The following NEDD4L variants were observed in gnomAD, a reference collection of about 807,000 sequenced individuals.
The protein encoded by NEDD4L is NEDD4 like E3 ubiquitin protein ligase, also known as E3 ubiquitin-protein ligase NEDD4-like.
In NEDD4L, 54 loss-of-function variants were observed where a neutral mutation model predicts 148.9. That is an observed-to-expected ratio of 0.36 (90% CI 0.29 to 0.45). The LOEUF (loss-of-function observed/expected upper bound fraction) is 0.45. Ranked by LOEUF, NEDD4L falls within the 20% of genes least tolerant of loss-of-function variation. The pLI, the probability that NEDD4L is intolerant of heterozygous loss-of-function variation, is 1.00. For synonymous variants in NEDD4L, 433 were observed against 440.7 expected (o/e 0.98, Z 0.22); for missense variants, 856 against 1,233.8 (o/e 0.69, Z 4.59).
At chr18:58,114,818 C>T (rs1289296450) in intron 1 of NEDD4L, among the ~76,000 whole-genome samples, 1 of 152,224 alleles carries the variant, frequency 6.6e-6, no homozygotes, top group African/African-American at 2.4e-5. Flanking sequence ...ATTGTCCCCT[C>T]CCTGCGTTTG....
chr18:58,294,292 G>A (rs554054768), intron 5 of NEDD4L, among the ~76,000 whole-genome samples: 8 of 152,282 alleles, frequency 5.3e-5, no homozygotes, highest in African/African-American at 1.9e-4. Flanking sequence ...TTCTTATCAA[G>A]GCTATTGAAT....
chr18:58,165,891 A>T (rs751921446), intron 2 of NEDD4L, 30 bp downstream of exon 2: 18 of 1,552,716 alleles, frequency 1.2e-5, no homozygotes, highest in East Asian at 6.8e-5. Context: ...ATTTCTGTGG[A>T]CTTCTGAAAA....
At chr18:58,277,160 G>A (rs1032131292) in intron 5 of NEDD4L, among the ~76,000 whole-genome samples, 1 of 151,988 alleles carries the variant, frequency 6.6e-6, no homozygotes, top group African/African-American at 2.4e-5. Context: ...TGTGTATCTT[G>A]GCTTCTCTGA....
chr18:58,149,292 A>T, intron 1 of NEDD4L: 1 of 1,008,330 alleles, frequency 9.9e-7, no homozygotes. Flanking sequence ...TGGCAGGTTC[A>T]TAAGACACCT....
At chr18:58,380,874 T>C (rs886748894) in intron 24 of NEDD4L, among the ~76,000 whole-genome samples, 14 of 152,212 alleles carry the variant, frequency 9.2e-5, no homozygotes, top group African/African-American at 3.4e-4. Flanking sequence ...CAAATTAATA[T>C]ATCACACATA....
intron 6 of NEDD4L, 44 bp downstream of exon 6, chr18:58,316,076 G>T: frequency 6.8e-7 from 1 of 1,475,496 alleles, no homozygotes; most frequent in African/African-American, 1.4e-5. Flanking sequence ...GGGGGCGGGG[G>T]TTTCTAATTG....
chr18:58,078,805 G>T (rs2083296146), intron 1 of NEDD4L, among the ~76,000 whole-genome samples: 1 of 152,116 alleles, frequency 6.6e-6, no homozygotes, highest in Non-Finnish European at 1.5e-5. Context: ...ACGTGGTATT[G>T]GTCAGTCCGT....
intron 12 of NEDD4L, 63 bp downstream of exon 12, chr18:58,333,955 G>A: frequency 9.4e-7 from 1 of 1,067,782 alleles, no homozygotes; most frequent in Non-Finnish European, 1.4e-6. Context: ...AATCATCTGG[G>A]CTGCTGCAAA....
chr18:58,109,311 GT>G (rs2085269022), intron 1 of NEDD4L, among the ~76,000 whole-genome samples: 1 of 152,210 alleles, frequency 6.6e-6, no homozygotes, highest in African/African-American at 2.4e-5. Context: ...GAGTTTCACA[GT>G]TTCTGAATTT....
chr18:58,303,895 TAAAG>T (rs2056777607), intron 5 of NEDD4L, among the ~76,000 whole-genome samples: 1 of 152,180 alleles, frequency 6.6e-6, no homozygotes, highest in African/African-American at 2.4e-5. Context: ...AGATAGGAGT[TAAAG>T]AAAAATGAAC....
At chr18:58,159,020 A>T (rs1384211043) in intron 1 of NEDD4L, among the ~76,000 whole-genome samples, 1 of 152,182 alleles carries the variant, frequency 6.6e-6, no homozygotes, top group Non-Finnish European at 1.5e-5. Flanking sequence ...GTGTATAATT[A>T]GATGGTCAAT....
chr18:58,394,064 GC>G (rs1966324107), intron 30 of NEDD4L, among the ~76,000 whole-genome samples: 1 of 152,228 alleles, frequency 6.6e-6, no homozygotes, highest in Admixed American at 6.5e-5. Flanking sequence ...GGACGCTGAA[GC>G]CCTGTGAGGA....
chr18:58,194,381 G>A (rs141224744), intron 2 of NEDD4L, among the ~76,000 whole-genome samples: 6 of 152,288 alleles, frequency 3.9e-5, no homozygotes, highest in East Asian at 1.9e-4. Flanking sequence ...TTATCTTATC[G>A]AAGAGTGCTA....
At chr18:58,183,141 G>T (rs1336252977) in intron 2 of NEDD4L, among the ~76,000 whole-genome samples, 1 of 152,256 alleles carries the variant, frequency 6.6e-6, no homozygotes, top group African/African-American at 2.4e-5. Flanking sequence ...AGAAATGAGG[G>T]TTGCCACATG....
intron 5 of NEDD4L, chr18:58,255,657 G>T: frequency 8.1e-7 from 1 of 1,232,376 alleles, no homozygotes; most frequent in Non-Finnish European, 1.0e-6. Flanking sequence ...CATCGGCTTC[G>T]GTTTCATTTT....
Position 58,327,388 on chromosome 18 carries a change from C to T in NEDD4L, c.681-1607C>T, listed in dbSNP as rs542992452. On this transcript the variant is annotated intron_variant, in intron 9 of 30. Transcript: ENST00000400345. ...CTAGGATTACAGGTATGACCCACCACGCCCGGCTGAAAAATGCAGTTCTTA... is the reference window on the plus strand; with the variant it reads ...CTAGGATTACAGGTATGACCCACCATGCCCGGCTGAAAAATGCAGTTCTTA... 4.6e-5 allele frequency among the ~76,000 whole-genome samples: 7 copies of T among 152,292 alleles called. No individual in the cohort carries two copies. The South Asian group carries it at 6.2e-4, about 14-fold the overall frequency.
intron 18 of NEDD4L, among the ~76,000 whole-genome samples, chr18:58,354,528 G>A (rs2044337563): frequency 5.3e-5 from 8 of 151,536 alleles, no homozygotes; most frequent in Admixed American, 3.9e-4. Context: ...TCATAACCAT[G>A]TAGAAACTTG....
At chr18:58,247,726 T>C (rs2047437423) in intron 3 of NEDD4L, 1 of 152,498 alleles carries the variant, frequency 6.6e-6, no homozygotes, top group South Asian at 2.1e-4. Context: ...TCTCCTGTCT[T>C]GTTGCTTTCC....
chr18:58,072,608 C>CA (rs1348437010), intron 1 of NEDD4L, among the ~76,000 whole-genome samples: 1 of 152,154 alleles, frequency 6.6e-6, no homozygotes, highest in Non-Finnish European at 1.5e-5. Context: ...ATGAAAAACT[C>CA]ACAGTTAACA....
Sources: allele counts gnomAD v4.1 joint callset (sites outside exome capture counted in the v4.1 genomes callset), GRCh38; gene constraint gnomAD v4.1.1; transcripts MANE v1.5; gene names NCBI Gene and HGNC (gene_info 2026-07-23, HGNC 2026-07-21).